The following CMSS1 variants were observed in gnomAD, a reference collection of about 807,000 sequenced individuals.
CMSS1 encodes the protein cms1 ribosomal small subunit homolog, also known as protein CMSS1.
A neutral mutation model predicts 43.5 loss-of-function variants in CMSS1; 33 were observed. The observed-to-expected ratio is 0.76, with a 90% CI of 0.57 to 1.01. CMSS1 has a LOEUF of 1.01. Ranked by LOEUF, CMSS1 falls within the 50% of genes least tolerant of loss-of-function variation. The probability of loss-of-function intolerance (pLI) is 0.00; values close to 1 mark genes in which losing one functional copy is unlikely to be tolerated. For synonymous variants in CMSS1, 115 were observed against 117.2 expected (o/e 0.98, Z 0.12); for missense variants, 313 against 326.4 (o/e 0.96, Z 0.32).
intron 1 of CMSS1, chr3:99,848,762 C>G: frequency 6.2e-7 from 1 of 1,614,142 alleles, no homozygotes; most frequent in Non-Finnish European, 8.5e-7. Flanking sequence ...GGGGACATGC[C>G]TTGTTCTAAA....
chr3:100,105,022 A>G (rs983969392), intron 1 of CMSS1, among the ~76,000 whole-genome samples: 9 of 152,224 alleles, frequency 5.9e-5, no homozygotes, highest in African/African-American at 1.9e-4. Flanking sequence ...ATTTATGTAT[A>G]TAAGAATCTT....
At chr3:99,919,303 C>G (rs1057141368) in intron 1 of CMSS1, among the ~76,000 whole-genome samples, 1 of 151,300 alleles carries the variant, frequency 6.6e-6, no homozygotes, top group Non-Finnish European at 1.5e-5. Context: ...CTCATAATGC[C>G]TTAGAAGAAT....
chr3:100,127,336 T>C (rs1486167182), intron 1 of CMSS1, among the ~76,000 whole-genome samples: 1 of 152,140 alleles, frequency 6.6e-6, no homozygotes, highest in Admixed American at 6.5e-5. Context: ...GGGCCCAGGC[T>C]CTTCTGAGAG....
chr3:99,963,285 A>G (rs767672938), intron 1 of CMSS1, among the ~76,000 whole-genome samples: 3 of 152,216 alleles, frequency 2.0e-5, no homozygotes, highest in Admixed American at 2.0e-4. Context: ...GACTGATCCC[A>G]TGTGGTGGAT....
chr3:99,962,291 T>C (rs1708516375), intron 1 of CMSS1, among the ~76,000 whole-genome samples: 1 of 152,070 alleles, frequency 6.6e-6, no homozygotes, highest in East Asian at 1.9e-4. Context: ...AGTGGGAAGA[T>C]GAGGTCGCAT....
intron 1 of CMSS1, among the ~76,000 whole-genome samples, chr3:100,087,665 C>A (rs2066034498): frequency 6.6e-6 from 1 of 151,746 alleles, no homozygotes; most frequent in African/African-American, 2.4e-5. Flanking sequence ...TTTTTTTCCC[C>A]AGTCTTTGGT....
rs573114428 is a variant in CMSS1, at chr3:100,170,123, TTTAAA to T, written c.519-1713_519-1709del. 3.3e-5 allele frequency among the ~76,000 whole-genome samples: 5 copies of T among 152,210 alleles called. No individual in the cohort carries two copies. In the South Asian group the frequency reaches 8.3e-4, roughly 25 times the overall value. The stretch of plus-strand genomic sequence containing the variant: ...TGTTCTATTGAGAGCCATGACTTAT[TTTAAA>T]TTGTCTTCCTGGTTAACCTTGCCAT... On this transcript the variant is annotated intron_variant, in intron 6 of 9. Transcript: ENST00000421999.
chr3:100,161,459 A>G (rs866953506), intron 3 of CMSS1, among the ~76,000 whole-genome samples: 1 of 152,158 alleles, frequency 6.6e-6, no homozygotes, highest in South Asian at 2.1e-4. Context: ...GTCACACTAA[A>G]ATGTGCCCAC....
chr3:100,056,900 AGGC>A, intron 1 of CMSS1, among the ~76,000 whole-genome samples: 1 of 152,204 alleles, frequency 6.6e-6, no homozygotes, highest in South Asian at 2.1e-4. Flanking sequence ...GCTACTCGGG[AGGC>A]TGAGGCAGGA....
intron 1 of CMSS1, among the ~76,000 whole-genome samples, chr3:100,050,350 C>CT (rs1327913275): frequency 6.6e-6 from 1 of 152,048 alleles, no homozygotes; most frequent in Non-Finnish European, 1.5e-5. Context: ...AAAGCCATAT[C>CT]TTTTTTAGAT....
At chr3:100,124,782 C>A (rs747735579) in intron 1 of CMSS1, among the ~76,000 whole-genome samples, 7 of 152,130 alleles carry the variant, frequency 4.6e-5, no homozygotes, top group Non-Finnish European at 8.8e-5. Context: ...GGACCTGGCA[C>A]TATATGCTGT....
chr3:99,851,047 T>C, intron 1 of CMSS1: 1 of 1,593,614 alleles, frequency 6.3e-7, no homozygotes, highest in Non-Finnish European at 8.5e-7. Flanking sequence ...AGACTTGATT[T>C]CTTGATCAAT....
At chr3:100,166,290 TG>T (rs1367914297) in intron 4 of CMSS1, 44 bp from the exon 5 acceptor site, 2 of 1,242,476 alleles carry the variant, frequency 1.6e-6, no homozygotes, top group Non-Finnish European at 2.4e-6. Flanking sequence ...TGATTGTGTG[TG>T]TGTTTACAAA....
intron 1 of CMSS1, among the ~76,000 whole-genome samples, chr3:99,928,855 T>A (rs1707380311): frequency 6.6e-6 from 1 of 152,230 alleles, no homozygotes. Flanking sequence ...AAATTTGGAT[T>A]AAAGTGCAAA....
intron 1 of CMSS1, among the ~76,000 whole-genome samples, chr3:100,135,989 G>C (rs2066749950): frequency 6.6e-6 from 1 of 152,062 alleles, no homozygotes. Context: ...GTCTCAACTA[G>C]GAAAATAGGA....
At chr3:99,984,062 G>T (rs888378133) in intron 1 of CMSS1, among the ~76,000 whole-genome samples, 1 of 151,620 alleles carries the variant, frequency 6.6e-6, no homozygotes, top group African/African-American at 2.4e-5. Context: ...ATGTGTGTTT[G>T]TGTGTGTGTG....
intron 1 of CMSS1, among the ~76,000 whole-genome samples, chr3:99,826,072 C>T (rs536894502): frequency 5.5e-4 from 84 of 152,148 alleles, no homozygotes; most frequent in Middle Eastern, 3.4e-3. Flanking sequence ...CCACGGAGCC[C>T]GGCCCAGCAC....
chr3:99,891,776 G>T (rs921041334), intron 1 of CMSS1, among the ~76,000 whole-genome samples: 3 of 152,114 alleles, frequency 2.0e-5, no homozygotes, highest in Non-Finnish European at 4.4e-5. Flanking sequence ...TCCATTCATT[G>T]CTCAGCTTAC....
intron 1 of CMSS1, among the ~76,000 whole-genome samples, chr3:100,142,960 G>A (rs1373203099): frequency 1.3e-5 from 2 of 152,160 alleles, no homozygotes; most frequent in Non-Finnish European, 2.9e-5. Flanking sequence ...TGCAACACCA[G>A]TACACATTGT....
Sources: gnomAD v4.1 joint callset for allele counts (sites outside exome capture counted in the v4.1 genomes callset) on GRCh38, gnomAD v4.1.1 for gene constraint, MANE v1.5 for transcripts, NCBI Gene and HGNC (gene_info 2026-07-23, HGNC 2026-07-21) for gene names.